Variants in ADAMTS2 observed in about 807,000 individuals in gnomAD.
The protein encoded by ADAMTS2 is ADAM metallopeptidase with thrombospondin type 1 motif 2.
Under a neutral mutation model 123.0 loss-of-function variants are expected in ADAMTS2, and 50 were observed. The observed-to-expected ratio is 0.41, with a 90% CI of 0.32 to 0.51. ADAMTS2 has a LOEUF of 0.51. Among genes scored for constraint, ADAMTS2 ranks in the 20% least tolerant of loss-of-function variants. The probability of loss-of-function intolerance (pLI) is 0.35; values close to 1 mark genes in which losing one functional copy is unlikely to be tolerated. For synonymous variants in ADAMTS2, 678 were observed against 695.4 expected, an observed-to-expected ratio of 0.98 and a Z score of 0.39; for missense variants, 1,494 against 1,705.2, an observed-to-expected ratio of 0.88 and a Z score of 2.18.
chr5:179,168,693 C>T (rs1395099161), intron 5 of ADAMTS2, among the ~76,000 whole-genome samples: 1 of 152,144 alleles, frequency 6.6e-6, no homozygotes, highest in African/African-American at 2.4e-5. Context: ...CCAAAGGTCC[C>T]ACGAGTATGG....
chr5:179,114,174 G>A lies in ADAMTS2; in HGVS notation c.3329C>T (p.Pro1110Leu), dbSNP rs1174677263. The A allele has an allele frequency of 5.0e-6, 8 of 1,612,348 alleles. No homozygotes were observed. Among genetic ancestry groups the A allele is most frequent in the Non-Finnish European group, 6.8e-6 (8 of 1,178,494 alleles). ...CACGTCAATGTCGTTGTGCTTCCCAGGCGGTGGCTCTATCCTGCCCTCCAC... is the reference window on the plus strand; with the variant it reads ...CACGTCAATGTCGTTGTGCTTCCCAAGCGGTGGCTCTATCCTGCCCTCCAC... ...TNVEGRIEPP[P>L]GKHNDIDVFM... The change falls in exon 22 of 22, where the codon CCT (proline) becomes CTT (leucine). Residue 1110 changes from proline to leucine, a missense_variant. Pro to Leu is a moderately conservative substitution (Grantham distance 98). Coordinates refer to ENST00000251582, the MANE Select transcript of ADAMTS2 (RefSeq NM_014244.5).
At chr5:179,210,448 G>A (rs1198490533) in intron 3 of ADAMTS2, among the ~76,000 whole-genome samples, 1 of 152,250 alleles carries the variant, frequency 6.6e-6, no homozygotes, top group Non-Finnish European at 1.5e-5. Flanking sequence ...AATTTCACCT[G>A]AAATGGAATT....
intron 4 of ADAMTS2, among the ~76,000 whole-genome samples, chr5:179,203,023 C>G (rs148487268): frequency 6.6e-6 from 1 of 152,312 alleles, no homozygotes; most frequent in Non-Finnish European, 1.5e-5. Flanking sequence ...TATCCCAGCC[C>G]AGGCTCTGCC....
rs762800260 is a variant in ADAMTS2 at position 179,269,312 on chromosome 5, C to T, written c.688+3599G>A. 8.5e-5 allele frequency among the ~76,000 whole-genome samples: 13 copies of T among 152,154 alleles called. No homozygotes were observed. The East Asian group carries it at 1.2e-3, about 14-fold the overall frequency. On this transcript the variant is annotated intron_variant, in intron 3 of 21. Transcript: ENST00000251582. ...TGTGAGAGAGGCATTTGTATTAGTCCGTTTTCACAATGCTGATAAAGACAT... is the reference window on the plus strand; with the variant it reads ...TGTGAGAGAGGCATTTGTATTAGTCTGTTTTCACAATGCTGATAAAGACAT...
At chr5:179,154,511 T>C (rs1057474590) in intron 7 of ADAMTS2, among the ~76,000 whole-genome samples, 1 of 152,146 alleles carries the variant, frequency 6.6e-6, no homozygotes, top group South Asian at 2.1e-4. Context: ...GCCTCCTCTA[T>C]AACATGGGGT....
chr5:179,273,297 C>A (rs1277095525), intron 2 of ADAMTS2, among the ~76,000 whole-genome samples: 2 of 152,156 alleles, frequency 1.3e-5, no homozygotes, highest in East Asian at 3.9e-4. Context: ...GTCATCTCCA[C>A]CCCTATACAC....
At chr5:179,148,578 C>T (rs1295704951) in intron 10 of ADAMTS2, among the ~76,000 whole-genome samples, 1 of 152,186 alleles carries the variant, frequency 6.6e-6, no homozygotes, top group African/African-American at 2.4e-5. Context: ...GGAATTCCTG[C>T]CACCAGGTCT....
Position 179,112,540 on chromosome 5 carries a change from C to T in ADAMTS2, c.*1327G>A. 6.6e-6 allele frequency: 1 copy of T among 152,206 alleles called. No individual in the cohort carries two copies. The highest frequency in any genetic ancestry group is 1.9e-4 in the East Asian group (1 of 5,194). 9.4% of individuals were successfully genotyped at this position (152,206 alleles called of 1,614,324 possible). On this transcript the variant is annotated 3_prime_UTR_variant, in exon 22 of 22. Coordinates refer to ENST00000251582, the MANE Select transcript of ADAMTS2 (RefSeq NM_014244.5). Reference sequence around the variant, plus strand: ...AGCAAAAGACAATGTAGGCTCTCCCCATCTCCCACCCTAAGCCCCCATCAG... The same window carrying T: ...AGCAAAAGACAATGTAGGCTCTCCCTATCTCCCACCCTAAGCCCCCATCAG...
chr5:179,245,715 G>A (rs1446811779), intron 3 of ADAMTS2, among the ~76,000 whole-genome samples: 1 of 119,210 alleles, frequency 8.4e-6, no homozygotes, highest in African/African-American at 3.3e-5. Flanking sequence ...GCAGTGAGCC[G>A]AGATCGCGCC....
At chr5:179,226,304 TC>T (rs1388813466) in intron 3 of ADAMTS2, among the ~76,000 whole-genome samples, 1 of 150,986 alleles carries the variant, frequency 6.6e-6, no homozygotes, top group Non-Finnish European at 1.5e-5. Context: ...AGAGTCTCTG[TC>T]ACCCAGGCTG....
At chr5:179,339,331 G>A (rs1180914207) in intron 2 of ADAMTS2, among the ~76,000 whole-genome samples, 1 of 152,194 alleles carries the variant, frequency 6.6e-6, no homozygotes, top group African/African-American at 2.4e-5. Context: ...GCCTGGAGCC[G>A]CTGGTGGGCC....
At chr5:179,212,720 T>C (rs1198150600) in intron 3 of ADAMTS2, among the ~76,000 whole-genome samples, 2 of 76,902 alleles carry the variant, frequency 2.6e-5, no homozygotes, top group Non-Finnish European at 5.2e-5. Context: ...GTGTGGGCCC[T>C]GAGGGCGGGT....
Position 179,162,580 on chromosome 5 carries a change from C to T in ADAMTS2, c.976-3701G>A, listed in dbSNP as rs1001011343. On this transcript the variant is annotated intron_variant, in intron 5 of 21. Transcript: ENST00000251582. This position sits in a 1 kb window ranked among gnomAD's most constrained non-coding sequence, Gnocchi z 5.1. ...GTATGGGCCCCTCCTGGGGCCGTCA[C>T]CCATGTCAGCTTTACCCCACACGGT... is the stretch of plus-strand genomic sequence containing the variant. Among the ~76,000 whole-genome samples the T allele has an allele frequency of 6.6e-6, 1 of 152,176 alleles. No individual in the cohort carries two copies. Among genetic ancestry groups the T allele is most frequent in the African/African-American group, 2.4e-5 (1 of 41,448 alleles).
chr5:179,315,208 T>A (rs1308646432), intron 2 of ADAMTS2, among the ~76,000 whole-genome samples: 1 of 55,656 alleles, frequency 1.8e-5, no homozygotes, highest in African/African-American at 6.7e-5. Context: ...AAGACACGCG[T>A]CCACGTCGCC....
rs371940943 is a variant in ADAMTS2, at chr5:179,181,034, G to T, written c.975+38C>A. 5 of 1,539,454 alleles carry T rather than the reference G, an allele frequency of 3.2e-6. No individual in the cohort carries two copies. Among genetic ancestry groups the T allele is most frequent in the Non-Finnish European group, 4.5e-6 (5 of 1,112,898 alleles). On this transcript the variant is annotated intron_variant, in intron 5 of 21. Transcript: ENST00000251582. This position sits in a 1 kb window ranked among gnomAD's most constrained non-coding sequence, Gnocchi z 4.1. ...TCACTCCCAGGCCCCTCACTCCGAG[G>T]GGGTGGAGGCAGGCCCGGCTGGCCA...
chr5:179,289,830 G>T (rs913055626), intron 2 of ADAMTS2, among the ~76,000 whole-genome samples: 1 of 152,176 alleles, frequency 6.6e-6, no homozygotes, highest in Non-Finnish European at 1.5e-5. Context: ...CCAGAAACAC[G>T]TAAGCTCAAG....
intron 2 of ADAMTS2, among the ~76,000 whole-genome samples, chr5:179,318,711 C>T (rs1225880812): frequency 6.6e-6 from 1 of 151,960 alleles, no homozygotes; most frequent in Non-Finnish European, 1.5e-5. Flanking sequence ...AATGCCAAGG[C>T]CCCCTCGGCT....
intron 13 of ADAMTS2, among the ~76,000 whole-genome samples, chr5:179,134,757 G>GT (rs1763023824): frequency 7.5e-6 from 1 of 132,634 alleles, no homozygotes. Context: ...CCCGGCTCCA[G>GT]CTCCAGCTCC....
intron 2 of ADAMTS2, among the ~76,000 whole-genome samples, chr5:179,334,986 C>T (rs919892097): frequency 1.3e-5 from 2 of 152,062 alleles, no homozygotes; most frequent in Non-Finnish European, 2.9e-5. Context: ...TATGTCAATT[C>T]CTCCTTTAAT....
Sources: gnomAD v4.1 joint callset for allele counts (sites outside exome capture counted in the v4.1 genomes callset) on GRCh38, gnomAD v4.1.1 for gene constraint, Gnocchi (gnomAD v3.1) non-coding constraint, MANE v1.5 for transcripts, NCBI Gene and HGNC (gene_info 2026-07-23, HGNC 2026-07-21) for gene names.